The following AFF3 variants were observed in gnomAD, a reference collection of about 807,000 sequenced individuals.
AFF3 encodes the protein AF4/FMR2 family member 3.
Under a neutral mutation model 129.7 loss-of-function variants are expected in AFF3, and 32 were observed. The ratio of observed to expected loss-of-function variants is 0.25; its 90% confidence interval spans 0.19 to 0.33. AFF3 has a LOEUF of 0.33. Among genes scored for constraint, AFF3 ranks in the 10% least tolerant of loss-of-function variants. AFF3 has a pLI of 1.00. For synonymous variants in AFF3, 644 were observed against 635.4 expected, an observed-to-expected ratio of 1.01 and a Z score of -0.20; for missense variants, 1,373 against 1,592.0, an observed-to-expected ratio of 0.86 and a Z score of 2.34.
chr2:99,590,007 C>A (rs1678510268), intron 15 of AFF3, among the ~76,000 whole-genome samples: 1 of 152,204 alleles, frequency 6.6e-6, no homozygotes, highest in Non-Finnish European at 1.5e-5. Context: ...TCTGTCTGCC[C>A]TTGGACAAGG....
intron 9 of AFF3, 102 bp downstream of exon 9, chr2:99,752,119 G>A (rs986601066): frequency 1.9e-6 from 2 of 1,065,524 alleles, no homozygotes; most frequent in Non-Finnish European, 2.8e-6. Flanking sequence ...CCTCTGGCAG[G>A]AATATTTACA....
chr2:100,096,179 A>AT (rs1690275126), intron 4 of AFF3, among the ~76,000 whole-genome samples: 1 of 151,798 alleles, frequency 6.6e-6, no homozygotes, highest in Admixed American at 6.6e-5. Flanking sequence ...TTACTGAGAG[A>AT]TTCTCCACAA....
intron 11 of AFF3, among the ~76,000 whole-genome samples, chr2:99,714,380 G>A (rs1678188548): frequency 6.6e-6 from 1 of 152,180 alleles, no homozygotes; most frequent in Non-Finnish European, 1.5e-5. Context: ...GGAACTTGAA[G>A]AGGCCCTTTC....
At chr2:100,051,223 C>G (rs964062304) in intron 4 of AFF3, among the ~76,000 whole-genome samples, 3 of 152,170 alleles carry the variant, frequency 2.0e-5, no homozygotes, top group Admixed American at 6.5e-5. Flanking sequence ...ACTCCCACCC[C>G]AGCCCTGGAT....
chr2:99,809,572 C>T (rs936207190), intron 8 of AFF3, among the ~76,000 whole-genome samples: 8 of 152,212 alleles, frequency 5.3e-5, no homozygotes, highest in African/African-American at 1.7e-4. Flanking sequence ...GTCCTCAGAG[C>T]CACCACACAC....
chr2:99,606,355 A>G (rs1000796002), intron 13 of AFF3, among the ~76,000 whole-genome samples: 1 of 152,158 alleles, frequency 6.6e-6, no homozygotes, highest in South Asian at 2.1e-4. Flanking sequence ...TTAGCATGCT[A>G]CCTACCAAGT....
At chr2:100,077,878 GA>G (rs1169184951) in intron 4 of AFF3, among the ~76,000 whole-genome samples, 1 of 151,958 alleles carries the variant, frequency 6.6e-6, no homozygotes, top group African/African-American at 2.4e-5. Flanking sequence ...AGAAAAAAAA[GA>G]AAAAAGGACA....
At chr2:99,889,787 T>C (rs1693408139) in intron 7 of AFF3, among the ~76,000 whole-genome samples, 1 of 152,078 alleles carries the variant, frequency 6.6e-6, no homozygotes, top group Non-Finnish European at 1.5e-5. Context: ...GCCTCCTGAG[T>C]AGCTGGGATT....
At chr2:99,794,305 G>A (rs759107209) in intron 8 of AFF3, among the ~76,000 whole-genome samples, 9 of 152,140 alleles carry the variant, frequency 5.9e-5, no homozygotes, top group South Asian at 2.1e-4. Context: ...TTGTTTTGTC[G>A]AGAAATTAGG....
chr2:99,559,730 A>G (rs1263896882), intron 21 of AFF3, among the ~76,000 whole-genome samples: 3 of 152,222 alleles, frequency 2.0e-5, no homozygotes. Flanking sequence ...TCTGGGTGCA[A>G]TGGCACCATC....
intron 7 of AFF3, among the ~76,000 whole-genome samples, chr2:99,917,413 C>T (rs1209021234): frequency 1.3e-5 from 2 of 152,026 alleles, no homozygotes; most frequent in Non-Finnish European, 2.9e-5. Flanking sequence ...CAGGAGCCAC[C>T]GATAGAAGAG....
chr2:99,727,216 A>G (rs1415554317), intron 10 of AFF3, 88 bp from the exon 11 acceptor site: 2 of 1,271,020 alleles, frequency 1.6e-6, no homozygotes, highest in Non-Finnish European at 2.2e-6. Context: ...CCATGCTCCT[A>G]TTAACAATCT....
intron 10 of AFF3, among the ~76,000 whole-genome samples, chr2:99,741,556 A>G (rs1229787079): frequency 6.6e-6 from 1 of 152,234 alleles, no homozygotes; most frequent in East Asian, 1.9e-4. Context: ...GCCACTGCTC[A>G]ATGAAATAAA....
At chr2:99,983,839 T>G (rs1679618795) in intron 7 of AFF3, among the ~76,000 whole-genome samples, 1 of 152,086 alleles carries the variant, frequency 6.6e-6, no homozygotes, top group Admixed American at 6.6e-5. Context: ...ACTACAGAGC[T>G]CCGAAAAGTG....
chr2:99,739,013 A>ATTTTTTTTT lies in AFF3; in HGVS notation c.1039+5082_1039+5090dup, dbSNP rs55856427. Among the ~76,000 whole-genome samples the ATTTTTTTTT allele has an allele frequency of 9.0e-4, 124 of 138,330 alleles. 2 individuals carry two copies. The highest frequency in any genetic ancestry group is 2.9e-3 in the African/African-American group (110 of 37,568). 90.7% of individuals were successfully genotyped at this position (138,330 alleles called of 152,430 possible). A position where few individuals can be genotyped will look rare whatever the true frequency, so the allele number is the denominator to read the frequency against. On this transcript the variant is annotated intron_variant, in intron 10 of 24. Transcript: ENST00000672756. ...TTCTCAGTGAGGAGTGAACTGTTCA[A>ATTTTTTTTT]TTTTTTTTTTTTTTAGCAAATATTA...
At chr2:99,711,908 C>T (rs962190962) in intron 11 of AFF3, among the ~76,000 whole-genome samples, 7 of 152,074 alleles carry the variant, frequency 4.6e-5, no homozygotes, top group Non-Finnish European at 8.8e-5. Flanking sequence ...TCCCACAGCC[C>T]GGGCGACTCC....
intron 7 of AFF3, among the ~76,000 whole-genome samples, chr2:99,958,740 C>T (rs181602855): frequency 1.3e-5 from 2 of 152,080 alleles, no homozygotes; most frequent in East Asian, 3.9e-4. Flanking sequence ...GAAAAGACCA[C>T]GTTTCACTAG....
chr2:99,888,786 C>T (rs1056535864), intron 7 of AFF3, among the ~76,000 whole-genome samples: 5 of 151,822 alleles, frequency 3.3e-5, no homozygotes, highest in African/African-American at 1.2e-4. Context: ...CAATGTTATT[C>T]TTGGGCCTCC....
chr2:99,902,840 A>G (rs1267352210), intron 7 of AFF3, among the ~76,000 whole-genome samples: 1 of 152,208 alleles, frequency 6.6e-6, no homozygotes, highest in Non-Finnish European at 1.5e-5. Context: ...AAGCTGTCTG[A>G]AAGGCCTCCC....
Sources: gnomAD v4.1 joint callset for allele counts (sites outside exome capture counted in the v4.1 genomes callset) on GRCh38, gnomAD v4.1.1 for gene constraint, MANE v1.5 for transcripts, NCBI Gene and HGNC (gene_info 2026-07-23, HGNC 2026-07-21) for gene names.